The following PCDHA4 variants were observed in gnomAD, a reference collection of about 807,000 sequenced individuals.
The protein encoded by PCDHA4 is protocadherin alpha 4.
A neutral mutation model predicts 61.4 loss-of-function variants in PCDHA4; 49 were observed. The ratio of observed to expected loss-of-function variants is 0.80; its 90% CI spans 0.63 to 1.01. The LOEUF is 1.01. PCDHA4 is among the 50% of genes least tolerant of loss of function. The pLI, the probability that PCDHA4 is intolerant of heterozygous loss-of-function variation, is 0.00. For missense variants in PCDHA4, 1,254 were observed against 1,235.8 expected, an observed-to-expected ratio of 1.01 and a Z score of -0.22; for synonymous variants, 590 against 550.3, an observed-to-expected ratio of 1.07 and a Z score of -1.01.
intron 1 of PCDHA4, chr5:140,865,192 A>G (rs1306002523): frequency 6.6e-6 from 1 of 152,218 alleles, no homozygotes; most frequent in Admixed American, 6.5e-5. Context: ...CCTTCACACC[A>G]TATTAATGTG....
Position 141,009,737 on chromosome 5 carries a change from C to T in PCDHA4, c.2644C>T (p.Pro882Ser). The T allele has an allele frequency of 6.2e-7, 1 of 1,614,130 alleles. No homozygotes were observed. The highest frequency in any genetic ancestry group is 8.5e-7 in the Non-Finnish European group (1 of 1,180,024). Residue 882 changes from proline (P) to serine (S), a missense_variant, in exon 4 of 4, where the codon CCC becomes TCC. Physicochemically the swap from Pro to Ser is moderately conservative, Grantham distance 74 (BLOSUM62 -1). Coordinates refer to ENST00000530339, the MANE Select transcript of PCDHA4 (RefSeq NM_018907.4). ...NPKQSGPGEL[P>S]DKFIIPGSPA... Reference sequence around the variant, plus strand: ...CAAACAATCCGGTCCCGGTGAGTTGCCCGACAAATTCATTATCCCAGGATC... The same window carrying T: ...CAAACAATCCGGTCCCGGTGAGTTGTCCGACAAATTCATTATCCCAGGATC...
intron 1 of PCDHA4, among the ~76,000 whole-genome samples, chr5:140,939,289 A>G (rs1186126336): frequency 1.3e-5 from 2 of 152,102 alleles, no homozygotes; most frequent in African/African-American, 4.8e-5. Flanking sequence ...TCGTGATCTA[A>G]TCATCTCTAC....
chr5:140,875,335 C>T (rs1380813312), intron 1 of PCDHA4: 3 of 1,438,650 alleles, frequency 2.1e-6, no homozygotes, highest in African/African-American at 2.9e-5. Context: ...GGAATAGGAT[C>T]GACTCCATAA....
chr5:140,833,779 T>C (rs1330843349), intron 1 of PCDHA4, among the ~76,000 whole-genome samples: 1 of 152,042 alleles, frequency 6.6e-6, no homozygotes, highest in Non-Finnish European at 1.5e-5. Flanking sequence ...GCTTTCTAAG[T>C]TTCTCTTTCA....
chr5:140,969,783 A>G (rs1293806015), intron 1 of PCDHA4, among the ~76,000 whole-genome samples: 1 of 152,228 alleles, frequency 6.6e-6, no homozygotes, highest in Non-Finnish European at 1.5e-5. Context: ...GGGCTATCAT[A>G]GTCACCACTA....
At chr5:140,989,890 G>A (rs368567650) in intron 3 of PCDHA4, among the ~76,000 whole-genome samples, 5 of 151,974 alleles carry the variant, frequency 3.3e-5, no homozygotes, top group Middle Eastern at 3.4e-3. Context: ...TGGAGTCTCC[G>A]TTATTCACAA....
intron 1 of PCDHA4, chr5:140,966,564 T>A (rs1342180377): frequency 2.0e-6 from 1 of 488,548 alleles, no homozygotes; most frequent in Non-Finnish European, 3.4e-6. Context: ...GGAGCTGGAA[T>A]ATGGGGAGTC....
chr5:140,861,362 C>T (rs2046877441), intron 1 of PCDHA4: 11 of 354,006 alleles, frequency 3.1e-5, no homozygotes, highest in South Asian at 2.4e-4. Context: ...ATAGCGTCTT[C>T]GCGGTCCCTA....
chr5:140,842,803 T>A, intron 1 of PCDHA4: 2 of 1,594,132 alleles, frequency 1.3e-6, no homozygotes, highest in Non-Finnish European at 8.6e-7. Flanking sequence ...CCTACTCGCT[T>A]GTGGAGCGGC....
intron 1 of PCDHA4, among the ~76,000 whole-genome samples, chr5:140,888,973 A>G (rs1173174070): frequency 2.6e-5 from 4 of 152,078 alleles, no homozygotes; most frequent in African/African-American, 9.7e-5. Flanking sequence ...TAATGTGTTG[A>G]ATTTATGATT....
chr5:140,835,384 G>A, intron 1 of PCDHA4: 1 of 1,613,998 alleles, frequency 6.2e-7, no homozygotes, highest in Non-Finnish European at 8.5e-7. Flanking sequence ...GCTGGTCATT[G>A]TACAGTTCTT....
chr5:140,837,733 GT>G (rs1775232652), intron 1 of PCDHA4, among the ~76,000 whole-genome samples: 1 of 151,046 alleles, frequency 6.6e-6, no homozygotes, highest in Non-Finnish European at 1.5e-5. Context: ...CTGAAATGCA[GT>G]GGTGGGATTA....
At chr5:140,819,899 A>G (rs1188836600) in intron 1 of PCDHA4, among the ~76,000 whole-genome samples, 1 of 152,028 alleles carries the variant, frequency 6.6e-6, no homozygotes, top group Non-Finnish European at 1.5e-5. Flanking sequence ...TCTGCAGATT[A>G]CAATGTACAC....
At chr5:140,830,746 G>T in intron 1 of PCDHA4, 1 of 191,342 alleles carries the variant, frequency 5.2e-6, no homozygotes, top group Non-Finnish European at 1.1e-5. Context: ...GTCGTTTTCT[G>T]TTGCATTTTA....
intron 1 of PCDHA4, chr5:140,870,020 C>CT (rs2051592109): frequency 6.2e-7 from 1 of 1,613,394 alleles, no homozygotes; most frequent in Admixed American, 1.7e-5. Context: ...GTCAATGGAA[C>CT]TTTAGATTAT....
intron 1 of PCDHA4, among the ~76,000 whole-genome samples, chr5:140,855,001 A>G (rs1315198457): frequency 1.3e-4 from 20 of 149,948 alleles, no homozygotes; most frequent in Admixed American, 1.2e-3. Context: ...CCCGTGTAAG[A>G]TATTATAAAA....
chr5:140,990,379 G>C (rs1554251452), intron 3 of PCDHA4, among the ~76,000 whole-genome samples: 3 of 152,092 alleles, frequency 2.0e-5, no homozygotes. Context: ...CAAATTTGTT[G>C]GTGATGTTCC....
At chr5:140,883,922 C>T in intron 1 of PCDHA4, 1 of 1,613,240 alleles carries the variant, frequency 6.2e-7, no homozygotes, top group Non-Finnish European at 8.5e-7. Context: ...CGTGACGCTG[C>T]AGGTGTTCGT....
At chr5:140,858,413 A>T (rs150984635) in intron 1 of PCDHA4, 1 of 1,562,352 alleles carries the variant, frequency 6.4e-7, no homozygotes. Flanking sequence ...AGATCAGTCT[A>T]TTGGAGGGGA....
Sources: allele counts gnomAD v4.1 joint callset (sites outside exome capture counted in the v4.1 genomes callset), GRCh38; gene constraint gnomAD v4.1.1; transcripts MANE v1.5; gene names NCBI Gene and HGNC (gene_info 2026-07-23, HGNC 2026-07-21).